The following MDM1 variants were observed in gnomAD, a reference collection of about 807,000 sequenced individuals.
The protein encoded by MDM1 is Mdm1 nuclear protein.
A neutral mutation model predicts 89.1 loss-of-function variants in MDM1; 61 were observed. That is an observed-to-expected ratio of 0.68 (90% CI 0.56 to 0.85). MDM1 has a LOEUF of 0.85. Among genes scored for constraint, MDM1 ranks in the 40% least tolerant of loss-of-function variants. MDM1 has a pLI of 0.00. For synonymous variants in MDM1, 290 were observed against 294.1 expected (o/e 0.99, Z 0.14); for missense variants, 820 against 846.5 (o/e 0.97, Z 0.39).
At chr12:68,314,514 G>A (rs558552697) in intron 10 of MDM1, among the ~76,000 whole-genome samples, 6 of 152,086 alleles carry the variant, frequency 3.9e-5, no homozygotes, top group African/African-American at 1.2e-4. Flanking sequence ...ACTCCCCAAA[G>A]CAATTTACAC....
chr12:68,326,584 A>G (rs750187084), intron 3 of MDM1, 73 bp downstream of exon 3: 4 of 1,613,858 alleles, frequency 2.5e-6, no homozygotes, highest in African/African-American at 1.3e-5. Context: ...ACAAAATGTA[A>G]TATTACAGAA....
At chr12:68,304,289 C>T (rs2120819824) in intron 12 of MDM1, among the ~76,000 whole-genome samples, 1 of 152,184 alleles carries the variant, frequency 6.6e-6, no homozygotes, top group East Asian at 1.9e-4. Flanking sequence ...CAAAACAAGG[C>T]AAACCAGTAA....
At chr12:68,314,575 T>A (rs897048000) in intron 10 of MDM1, among the ~76,000 whole-genome samples, 1 of 152,250 alleles carries the variant, frequency 6.6e-6, no homozygotes, top group African/African-American at 2.4e-5. Context: ...TAAAAAATAT[T>A]ATAAAACATT....
chr12:68,319,648 C>T (rs951452930), intron 7 of MDM1, among the ~76,000 whole-genome samples: 4 of 152,196 alleles, frequency 2.6e-5, no homozygotes, highest in African/African-American at 7.2e-5. Flanking sequence ...TCAATGATCA[C>T]TGACTTCTTA....
At chr12:68,323,309 T>C in intron 4 of MDM1, 69 bp from the exon 5 acceptor site, 1 of 1,119,486 alleles carries the variant, frequency 8.9e-7, no homozygotes, top group Non-Finnish European at 1.3e-6. Context: ...TTCAATTACT[T>C]AACAAAACAT....
intron 12 of MDM1, among the ~76,000 whole-genome samples, chr12:68,307,699 A>G (rs983739590): frequency 2.0e-5 from 3 of 152,110 alleles, no homozygotes; most frequent in African/African-American, 7.2e-5. Flanking sequence ...GCACTTTGGG[A>G]GGCCGATGCA....
Position 68,316,271 on chromosome 12 carries a change from G to T in MDM1, c.1036-18C>A, listed in dbSNP as rs748234398. The T allele has an allele frequency of 6.2e-7, 1 of 1,603,586 alleles. No individual in the cohort carries two copies. Among genetic ancestry groups the T allele is most frequent in the Admixed American group, 1.7e-5 (1 of 58,486 alleles). ...TCTTTAACCTATTCAGGAGAGTTCA[G>T]ACATCATATACTATTGTAAATGCTT... On this transcript the variant is annotated intron_variant, in intron 8 of 14. Coordinates refer to ENST00000682720, the MANE Select transcript of MDM1 (RefSeq NM_001354969.2).
rs940371426 is a variant in MDM1, at chr12:68,326,728, G to A, written c.427C>T (p.His143Tyr). 3.7e-6 allele frequency: 6 copies of A among 1,613,956 alleles called. No homozygotes were observed. The African/African-American group carries it at 8.0e-5, about 22-fold the overall frequency. ...DVENNEGVTN[H>Y]TPVNENVELE... is the part of the protein sequence containing the mutation. ...TCCACATTTTCATTAACTGGTGTAT[G>A]GTTTGTTACACCCTCATTATTTTCC... Residue 143 changes from histidine (H) to tyrosine (Y), a missense_variant, in exon 3 of 15, where the codon CAT (histidine) becomes TAT (tyrosine). His to Tyr is a moderately conservative substitution (Grantham distance 83). Transcript: ENST00000682720.
chr12:68,315,242 A>C lies in MDM1; in HGVS notation c.1235T>G (p.Leu412Trp). Residue 412 changes from leucine to tryptophan, a missense_variant, in exon 10 of 15, where the codon TTG becomes TGG. Coordinates refer to ENST00000682720, the MANE Select transcript of MDM1 (RefSeq NM_001354969.2). ...LAGDPTSHKT[L>W]QKCPSTEPEE... is the part of the protein sequence containing the mutation. Reference sequence around the variant, plus strand: ...TGGTTCTGTAGAAGGACATTTCTGCAAAGTCTTATGGCTTGTAGGATCTCT... The same window carrying C: ...TGGTTCTGTAGAAGGACATTTCTGCCAAGTCTTATGGCTTGTAGGATCTCT... The C allele has an allele frequency of 6.2e-7, 1 of 1,614,118 alleles. No individual in the cohort carries two copies. Among genetic ancestry groups the C allele is most frequent in the Non-Finnish European group, 8.5e-7 (1 of 1,179,982 alleles).
intron 7 of MDM1, among the ~76,000 whole-genome samples, chr12:68,320,117 C>A (rs1379591394): frequency 2.6e-5 from 4 of 152,226 alleles, no homozygotes; most frequent in Non-Finnish European, 5.9e-5. Flanking sequence ...GCCACACATA[C>A]TGTTCTGCCT....
At chr12:68,331,514 T>A (rs181783920) in intron 1 of MDM1, among the ~76,000 whole-genome samples, 46 of 152,356 alleles carry the variant, frequency 3.0e-4, no homozygotes, top group Middle Eastern at 3.4e-3. Flanking sequence ...TCTTGTCGGA[T>A]AACTAATGAC....
chr12:68,316,666 T>C (rs1006112801), intron 7 of MDM1, 56 bp from the exon 8 acceptor site: 17 of 1,283,834 alleles, frequency 1.3e-5, no homozygotes, highest in Non-Finnish European at 1.8e-5. Context: ...TAATTGAATA[T>C]TAATGGGAAT....
intron 2 of MDM1, chr12:68,330,819 G>T: frequency 3.0e-6 from 1 of 329,002 alleles, no homozygotes; most frequent in East Asian, 5.5e-5. Context: ...GCTTTTTTTA[G>T]CTTTCAATAT....
At chr12:68,302,909 A>G in intron 12 of MDM1, 37 bp from the exon 13 acceptor site, 1 of 1,469,104 alleles carries the variant, frequency 6.8e-7, no homozygotes, top group Non-Finnish European at 9.1e-7. Flanking sequence ...AAAGATGCCT[A>G]TGTGTAGATA....
chr12:68,313,440 T>C lies in MDM1; in HGVS notation c.1749+3A>G, dbSNP rs1270374574. 1 of 1,598,028 alleles carries C rather than the reference T, an allele frequency of 6.3e-7. No individual in the cohort carries two copies. The highest frequency in any genetic ancestry group is 8.6e-7 in the Non-Finnish European group (1 of 1,165,986). ...GATGCTTTTTTCCCCAAAACATGTT[T>C]ACCTTAGTAAAATCATTCTTTGAAG... On this transcript the variant is annotated splice_donor_region_variant and intron_variant, in intron 12 of 14. Transcript: ENST00000682720.
At position 68,321,631 on chromosome 12, in the gene MDM1, G is replaced by A; in HGVS notation, c.802-3C>T. On this transcript the variant is annotated splice_polypyrimidine_tract_variant and splice_region_variant and intron_variant, in intron 5 of 14. Coordinates refer to ENST00000682720, the MANE Select transcript of MDM1 (RefSeq NM_001354969.2). ...AAACGATCGTCTATTTTATTACTCT[G>A]AAATGGAAATCATTTAAGCTTTTTA... The A allele has an allele frequency of 6.3e-7, 1 of 1,588,606 alleles. No homozygotes were observed.
chr12:68,295,337 G>T lies in MDM1; in HGVS notation c.2092C>A (p.Arg698Ser). ...DEDRLSEISA[R>S]SAASSLRAFQ... ...GCCCGGAGACTAGAAGCTGCAGAGC[G>T]AGCAGAAATCTCAGACAATCTGTCC... is the stretch of plus-strand genomic sequence containing the variant. Residue 698 changes from arginine to serine, a missense_variant, in exon 15 of 15, where the codon CGC becomes AGC. By Grantham distance (110) the Arg-to-Ser change is moderately radical. Coordinates refer to ENST00000682720, the MANE Select transcript of MDM1 (RefSeq NM_001354969.2). 2 of 1,612,760 alleles carry T rather than the reference G, an allele frequency of 1.2e-6. No homozygotes were observed. The highest frequency in any genetic ancestry group is 2.2e-5 in the South Asian group (2 of 90,836).
chr12:68,331,674 G>C (rs917469393), intron 1 of MDM1, among the ~76,000 whole-genome samples: 4 of 152,192 alleles, frequency 2.6e-5, no homozygotes, highest in Non-Finnish European at 4.4e-5. Flanking sequence ...AGATAAATGA[G>C]TCAGGAGATG....
chr12:68,300,297 G>A (rs572369648), intron 13 of MDM1, among the ~76,000 whole-genome samples: 1 of 152,162 alleles, frequency 6.6e-6, no homozygotes, highest in Admixed American at 6.5e-5. Flanking sequence ...AAGTATCTAA[G>A]TAACAACTAA....
Sources: gnomAD v4.1 joint callset for allele counts (sites outside exome capture counted in the v4.1 genomes callset) on GRCh38, gnomAD v4.1.1 for gene constraint, MANE v1.5 for transcripts, NCBI Gene and HGNC (gene_info 2026-07-23, HGNC 2026-07-21) for gene names.